SLC44A5: variants seen among roughly 807,000 people sequenced by gnomAD.
SLC44A5 encodes choline transporter-like protein 5.
In SLC44A5, 57 loss-of-function variants were observed where a neutral mutation model predicts 101.8. That is an observed-to-expected ratio of 0.56 (90% CI 0.45 to 0.70). The LOEUF (loss-of-function observed/expected upper bound fraction) is 0.70, where lower values mean the gene tolerates loss of function less well. Ranked by LOEUF, SLC44A5 falls within the 30% of genes least tolerant of loss-of-function variation. The probability of loss-of-function intolerance (pLI) is 0.00; values close to 1 mark genes in which losing one functional copy is unlikely to be tolerated. For missense variants in SLC44A5, 737 were observed against 853.1 expected (o/e 0.86, Z 1.70); for synonymous variants, 281 against 290.9 (o/e 0.97, Z 0.35).
At chr1:75,672,832 A>G in the SLC44A5 span, among the ~76,000 whole-genome samples, 1 of 152,168 alleles carries the variant, frequency 6.6e-6, no homozygotes, top group Non-Finnish European at 1.5e-5. Context: ...CCAGGATGAC[A>G]TTCATAGACA....
At chr1:75,414,369 C>T (rs1332202743) in intron 2 of SLC44A5, among the ~76,000 whole-genome samples, 3 of 151,222 alleles carry the variant, frequency 2.0e-5, no homozygotes, top group Non-Finnish European at 4.4e-5. Context: ...ATATCTTTTC[C>T]TCTTGTGAAG....
At chr1:75,667,055 C>T in the SLC44A5 span, among the ~76,000 whole-genome samples, 27 of 152,166 alleles carry the variant, frequency 1.8e-4, no homozygotes, top group Non-Finnish European at 2.2e-4. Context: ...CTCACCACTG[C>T]TATTCAAGAT....
the SLC44A5 span, among the ~76,000 whole-genome samples, chr1:75,652,604 G>A: frequency 6.6e-6 from 1 of 152,150 alleles, no homozygotes; most frequent in Non-Finnish European, 1.5e-5. Flanking sequence ...AGATCAGCCT[G>A]GGCAGCATAG....
chr1:75,678,655 A>T, the SLC44A5 span, among the ~76,000 whole-genome samples: 1 of 149,320 alleles, frequency 6.7e-6, no homozygotes, highest in Admixed American at 6.6e-5. Flanking sequence ...AACCACAAAG[A>T]TGGGGAAAAA....
chr1:75,564,246 T>C (rs570933250), intron 1 of SLC44A5, among the ~76,000 whole-genome samples: 11 of 152,322 alleles, frequency 7.2e-5, no homozygotes, highest in South Asian at 2.1e-4. Flanking sequence ...AAAATTAGAA[T>C]TGTTTCTTCA....
intron 2 of SLC44A5, among the ~76,000 whole-genome samples, chr1:75,472,668 C>T (rs1383646899): frequency 6.6e-6 from 1 of 152,160 alleles, no homozygotes; most frequent in East Asian, 1.9e-4. Context: ...GCTGAAATGA[C>T]TGTGCTCTCT....
At chr1:75,623,596 T>C in the SLC44A5 span, among the ~76,000 whole-genome samples, 2,577 of 152,242 alleles carry the variant, frequency 0.017, 70 homozygotes, top group African/African-American at 0.059. Context: ...TAAGGTTTTT[T>C]TTTAAAATGG....
Position 75,333,036 on chromosome 1 carries a change from T to C in SLC44A5, c.101+6546A>G, listed in dbSNP as rs183800089. Among the ~76,000 whole-genome samples, 211 of 152,194 alleles carry C rather than the reference T, an allele frequency of 1.4e-3. 1 individual carries two copies. The highest frequency in any genetic ancestry group is 0.011 in the Admixed American group (167 of 15,294). ...TGGGGCTCATTATCATAGAAAATTA[T>C]GATTGAAAACCTATAGAAAAAAAGA... On this transcript the variant is annotated intron_variant, in intron 4 of 23. Transcript: ENST00000370859.
chr1:75,650,024 C>A, the SLC44A5 span, among the ~76,000 whole-genome samples: 1 of 152,078 alleles, frequency 6.6e-6, no homozygotes, highest in African/African-American at 2.4e-5. Context: ...AGCAGAGATT[C>A]TTTCTTTTAT....
intron 1 of SLC44A5, among the ~76,000 whole-genome samples, chr1:75,583,223 C>A (rs1480733376): frequency 6.6e-6 from 1 of 152,124 alleles, no homozygotes; most frequent in Non-Finnish European, 1.5e-5. Context: ...TTGCCCTTTC[C>A]ATTTCTGAAT....
chr1:75,329,906 TCTC>T (rs1656890379), intron 4 of SLC44A5, among the ~76,000 whole-genome samples: 1 of 152,000 alleles, frequency 6.6e-6, no homozygotes, highest in Non-Finnish European at 1.5e-5. Flanking sequence ...TGCCGAAGAT[TCTC>T]CTACTACGTG....
At chr1:75,300,485 T>C in intron 5 of SLC44A5, 127 bp downstream of exon 5, 2 of 520,780 alleles carry the variant, frequency 3.8e-6, no homozygotes, top group Non-Finnish European at 6.3e-6. Context: ...GCACATTTCC[T>C]CCAGGAAAGA....
intron 2 of SLC44A5, among the ~76,000 whole-genome samples, chr1:75,528,084 G>A (rs532515714): frequency 1.8e-4 from 28 of 152,112 alleles, no homozygotes; most frequent in Middle Eastern, 3.4e-3. Context: ...TTCCCTCTGG[G>A]AACACTATTT....
intron 4 of SLC44A5, among the ~76,000 whole-genome samples, chr1:75,324,473 T>C (rs777127267): frequency 6.6e-6 from 1 of 152,222 alleles, no homozygotes; most frequent in Non-Finnish European, 1.5e-5. Context: ...TCTTATATCA[T>C]AGCAACAAAA....
At chr1:75,618,637 A>C in the SLC44A5 span, among the ~76,000 whole-genome samples, 1 of 152,236 alleles carries the variant, frequency 6.6e-6, no homozygotes, top group Non-Finnish European at 1.5e-5. Flanking sequence ...GGTATAGCCT[A>C]CTATACACTT....
At chr1:75,217,806 T>C (rs1646992601) in intron 18 of SLC44A5, 60 bp downstream of exon 18, 1 of 1,077,960 alleles carries the variant, frequency 9.3e-7, no homozygotes, top group African/African-American at 1.6e-5. Flanking sequence ...TCATCAGGTC[T>C]CCCCCAACCC....
the SLC44A5 span, among the ~76,000 whole-genome samples, chr1:75,633,788 T>A: frequency 1.5e-4 from 23 of 152,144 alleles, no homozygotes; most frequent in African/African-American, 5.1e-4. Context: ...AGGGCATCCC[T>A]GTCTTGTGCC....
intron 3 of SLC44A5, among the ~76,000 whole-genome samples, chr1:75,341,321 C>T (rs1657861261): frequency 6.6e-6 from 1 of 152,058 alleles, no homozygotes; most frequent in African/African-American, 2.4e-5. Context: ...GGTAACCTGG[C>T]AAAACCTCAG....
intron 3 of SLC44A5, among the ~76,000 whole-genome samples, chr1:75,392,789 T>A (rs1249821): frequency 1.3e-5 from 2 of 152,022 alleles, no homozygotes; most frequent in African/African-American, 2.4e-5. Context: ...AAAGAAACTG[T>A]GGTACATATA....
Sources: allele counts gnomAD v4.1 joint callset (sites outside exome capture counted in the v4.1 genomes callset), GRCh38; gene constraint gnomAD v4.1.1; transcripts MANE v1.5; gene names NCBI Gene and HGNC (gene_info 2026-07-23, HGNC 2026-07-21).